Variants in CSMD3 observed in about 807,000 individuals in gnomAD.
CSMD3 encodes the protein CUB and Sushi multiple domains 3.
A neutral mutation model predicts 435.2 loss-of-function variants in CSMD3; 177 were observed. That is an observed-to-expected ratio of 0.41 (90% CI 0.36 to 0.46). The LOEUF (loss-of-function observed/expected upper bound fraction) is 0.46, where lower values mean the gene tolerates loss of function less well. Ranked by LOEUF, CSMD3 falls within the 20% of genes least tolerant of loss-of-function variation. The pLI is 0.34. For synonymous variants in CSMD3, 1,656 were observed against 1,520.5 expected, an observed-to-expected ratio of 1.09 and a Z score of -2.07; for missense variants, 4,265 against 4,504.6, an observed-to-expected ratio of 0.95 and a Z score of 1.52.
At chr8:113,071,066 G>T (rs7824563) in intron 5 of CSMD3, among the ~76,000 whole-genome samples, 102,103 of 151,874 alleles carry the variant, frequency 0.67, 35,935 homozygotes, top group East Asian at 0.95. Flanking sequence ...TCCCTGGTGA[G>T]TAGTGATGTC....
chr8:112,819,896 AAACTC>A (rs1351878092), intron 12 of CSMD3, among the ~76,000 whole-genome samples: 1 of 152,166 alleles, frequency 6.6e-6, no homozygotes, highest in Non-Finnish European at 1.5e-5. Flanking sequence ...TAGCAGAAGA[AAACTC>A]AGCTATTTCC....
intron 3 of CSMD3, among the ~76,000 whole-genome samples, chr8:113,237,022 G>T (rs1357762885): frequency 2.0e-5 from 3 of 152,002 alleles, no homozygotes; most frequent in Admixed American, 1.3e-4. Flanking sequence ...GCCAGTCTGG[G>T]GTTCCCTTTA....
chr8:112,557,520 C>T (rs1828229889), intron 24 of CSMD3, among the ~76,000 whole-genome samples: 2 of 151,960 alleles, frequency 1.3e-5, no homozygotes, highest in Non-Finnish European at 2.9e-5. Context: ...CATATACATA[C>T]ATCTCCGTGG....
chr8:113,031,393 G>T (rs1443041492), intron 5 of CSMD3, among the ~76,000 whole-genome samples: 3 of 151,514 alleles, frequency 2.0e-5, no homozygotes, highest in African/African-American at 7.3e-5. Context: ...AACATTAAGA[G>T]CAAAGGAAAA....
At chr8:112,459,369 G>T (rs1298507205) in intron 32 of CSMD3, among the ~76,000 whole-genome samples, 18 of 121,896 alleles carry the variant, frequency 1.5e-4, no homozygotes, top group Admixed American at 1.3e-3. Flanking sequence ...GGGGGGGGGG[G>T]GTTTATTCAA....
chr8:112,657,736 C>T lies in CSMD3; in HGVS notation c.2817-1395G>A, dbSNP rs371744367. 4.4e-3 allele frequency among the ~76,000 whole-genome samples: 669 copies of T among 152,220 alleles called. 7 individuals carry two copies. The highest frequency in any genetic ancestry group is 0.015 in the African/African-American group (619 of 41,556). On this transcript the variant is annotated intron_variant, in intron 17 of 70. Transcript: ENST00000297405. ...ATCTTGAAGCCTCGAAAATTCTTTT[C>T]CTTGCTTTAACCAAGGTTTTCCTAC...
chr8:112,275,171 A>T (rs984809715), intron 59 of CSMD3, among the ~76,000 whole-genome samples: 4 of 150,698 alleles, frequency 2.7e-5, no homozygotes, highest in Non-Finnish European at 4.4e-5. Flanking sequence ...AACCACAATA[A>T]AAAAAAAAGC....
intron 56 of CSMD3, among the ~76,000 whole-genome samples, chr8:112,291,125 T>G (rs1226064971): frequency 6.6e-6 from 1 of 151,972 alleles, no homozygotes; most frequent in Non-Finnish European, 1.5e-5. Context: ...GTGTAAATCT[T>G]CATGTATTCT....
At chr8:112,262,970 A>T (rs1230142878) in intron 61 of CSMD3, among the ~76,000 whole-genome samples, 1 of 152,134 alleles carries the variant, frequency 6.6e-6, no homozygotes, top group Non-Finnish European at 1.5e-5. Flanking sequence ...AAGGAAAAAG[A>T]ACTAGGAACA....
intron 1 of CSMD3, among the ~76,000 whole-genome samples, chr8:113,333,525 A>T (rs1212265696): frequency 6.6e-6 from 1 of 151,842 alleles, no homozygotes; most frequent in Non-Finnish European, 1.5e-5. Flanking sequence ...CTATTTAGTA[A>T]AAAATCTACA....
intron 13 of CSMD3, among the ~76,000 whole-genome samples, chr8:112,704,241 G>A (rs956784604): frequency 1.3e-5 from 2 of 151,896 alleles, no homozygotes; most frequent in Non-Finnish European, 2.9e-5. Context: ...CAACTGCTGA[G>A]TAGCTGGGAT....
rs150085079 is a variant in CSMD3 at position 112,301,920 on chromosome 8, A to G, written c.8313T>C (p.Ile2771=). The G allele has an allele frequency of 4.0e-5, 64 of 1,612,860 alleles. No homozygotes were observed. The East Asian group carries it at 8.3e-4, about 21-fold the overall frequency. ...ELPTPPNGNK[I]GTQTSYGSTA... ...TTGAGCCATATGAAGTTTGAGTTCCAATCTTATTTCCATTTGGAGGTGTAG... is the reference window on the plus strand; with the variant it reads ...TTGAGCCATATGAAGTTTGAGTTCCGATCTTATTTCCATTTGGAGGTGTAG... The change falls in exon 53 of 71, where the codon ATT becomes ATC. Residue 2771 remains isoleucine, a synonymous_variant. Coordinates refer to ENST00000297405, the MANE Select transcript of CSMD3 (RefSeq NM_198123.2).
chr8:113,314,338 C>T, intron 2 of CSMD3: 1 of 498,676 alleles, frequency 2.0e-6, no homozygotes, highest in South Asian at 2.4e-5. Flanking sequence ...AAGAGATCAC[C>T]ACTCAATATA....
chr8:112,797,007 CT>C (rs2078845675), intron 13 of CSMD3, among the ~76,000 whole-genome samples: 1 of 151,904 alleles, frequency 6.6e-6, no homozygotes, highest in African/African-American at 2.4e-5. Context: ...GAATTAAGGA[CT>C]GTTTTCTTGA....
intron 1 of CSMD3, among the ~76,000 whole-genome samples, chr8:113,332,870 TA>T (rs1478053202): frequency 6.6e-6 from 1 of 151,702 alleles, no homozygotes; most frequent in African/African-American, 2.4e-5. Flanking sequence ...CTTCCTAATT[TA>T]AAGTGTATTT....
intron 5 of CSMD3, among the ~76,000 whole-genome samples, chr8:113,094,059 A>T (rs918077033): frequency 2.6e-5 from 4 of 152,126 alleles, no homozygotes; most frequent in African/African-American, 9.7e-5. Flanking sequence ...TCTGCAACCT[A>T]CATCTTACCA....
chr8:113,256,144 A>C (rs560367306), intron 3 of CSMD3, among the ~76,000 whole-genome samples: 79 of 152,276 alleles, frequency 5.2e-4, no homozygotes, highest in African/African-American at 1.7e-3. Context: ...AGAAAAAAAA[A>C]GCAAATGTAA....
chr8:113,236,465 G>C (rs2093150734), intron 3 of CSMD3, among the ~76,000 whole-genome samples: 1 of 152,164 alleles, frequency 6.6e-6, no homozygotes, highest in Non-Finnish European at 1.5e-5. Flanking sequence ...GGGCTGAATA[G>C]AACAGAATGG....
At chr8:112,405,248 C>CATATATATATATATATATATATAT (rs1238563530) in intron 35 of CSMD3, among the ~76,000 whole-genome samples, 1 of 56,994 alleles carries the variant, frequency 1.8e-5, no homozygotes, top group African/African-American at 8.6e-5. Flanking sequence ...TATATATATA[C>CATATATATATATATATATATATAT]ATATATATAT....
Sources: allele counts gnomAD v4.1 joint callset (sites outside exome capture counted in the v4.1 genomes callset), GRCh38; gene constraint gnomAD v4.1.1; transcripts MANE v1.5; gene names NCBI Gene and HGNC (gene_info 2026-07-23, HGNC 2026-07-21).